Variants in DPP10 observed in about 807,000 individuals in gnomAD.
DPP10 encodes the protein inactive dipeptidyl peptidase 10.
A neutral mutation model predicts 120.9 loss-of-function variants in DPP10; 33 were observed. That is an observed-to-expected ratio of 0.27 (90% CI 0.21 to 0.37). The LOEUF is 0.37. Ranked by LOEUF, DPP10 falls within the 10% of genes least tolerant of loss-of-function variation. DPP10 has a pLI of 1.00. For missense variants in DPP10, 816 were observed against 942.8 expected (o/e 0.87, Z 1.76); for synonymous variants, 337 against 326.1 (o/e 1.03, Z -0.36).
chr2:114,635,824 A>C (rs570283589), intron 1 of DPP10, among the ~76,000 whole-genome samples: 68 of 152,102 alleles, frequency 4.5e-4, no homozygotes, highest in Middle Eastern at 3.4e-3. Flanking sequence ...AAATAGCAAC[A>C]ATAAAATCTC....
At chr2:115,562,892 T>G (rs1411583390) in intron 5 of DPP10, among the ~76,000 whole-genome samples, 3 of 152,234 alleles carry the variant, frequency 2.0e-5, no homozygotes, top group African/African-American at 7.2e-5. Flanking sequence ...TGGTACTGGG[T>G]GATCACAGGG....
intron 3 of DPP10, among the ~76,000 whole-genome samples, chr2:115,378,654 GT>G: frequency 6.6e-6 from 1 of 151,492 alleles, no homozygotes; most frequent in Non-Finnish European, 1.5e-5. Flanking sequence ...AATGCTTCCA[GT>G]TTTTGCCCAT....
chr2:114,970,321 G>C (rs1699309820), intron 1 of DPP10, among the ~76,000 whole-genome samples: 1 of 152,130 alleles, frequency 6.6e-6, no homozygotes, highest in African/African-American at 2.4e-5. Flanking sequence ...ATAGCACATA[G>C]GTTTACTGGT....
At chr2:115,708,417 A>C (rs1387964690) in intron 7 of DPP10, among the ~76,000 whole-genome samples, 1 of 151,978 alleles carries the variant, frequency 6.6e-6, no homozygotes, top group Non-Finnish European at 1.5e-5. Flanking sequence ...CTGGAATGGA[A>C]GTAGAATGCA....
chr2:115,161,491 C>G (rs2052347350), intron 1 of DPP10: 1 of 151,178 alleles, frequency 6.6e-6, no homozygotes, highest in South Asian at 2.1e-4. Flanking sequence ...CCCCCCCCGG[C>G]TGCGGTTGCC....
intron 2 of DPP10, among the ~76,000 whole-genome samples, chr2:115,332,964 T>A (rs1055149732): frequency 2.6e-5 from 4 of 152,122 alleles, no homozygotes; most frequent in African/African-American, 9.7e-5. Context: ...CTGCGTTCAA[T>A]TCCTGGATGT....
chr2:115,809,837 T>G (rs935442947), intron 19 of DPP10, among the ~76,000 whole-genome samples: 5 of 152,220 alleles, frequency 3.3e-5, no homozygotes, highest in Admixed American at 6.5e-5. Flanking sequence ...TTATTATAAC[T>G]AAAGCTTTAC....
At chr2:114,792,559 G>A (rs1683346596) in intron 1 of DPP10, among the ~76,000 whole-genome samples, 1 of 152,188 alleles carries the variant, frequency 6.6e-6, no homozygotes, top group Admixed American at 6.5e-5. Flanking sequence ...CATGTATTTT[G>A]AGATAGTCCC....
At chr2:115,825,907 G>C (rs753867752) in intron 21 of DPP10, among the ~76,000 whole-genome samples, 1 of 152,284 alleles carries the variant, frequency 6.6e-6, no homozygotes, top group East Asian at 1.9e-4. Flanking sequence ...GGCAGAAGAG[G>C]CTGGTTTTAT....
At chr2:114,646,607 T>C (rs1266244116) in intron 1 of DPP10, among the ~76,000 whole-genome samples, 1 of 152,128 alleles carries the variant, frequency 6.6e-6, no homozygotes, top group Non-Finnish European at 1.5e-5. Flanking sequence ...AAGTTTCCTT[T>C]CAAAAGGGAC....
chr2:115,363,478 C>T (rs1287442498), intron 3 of DPP10, among the ~76,000 whole-genome samples: 1 of 152,138 alleles, frequency 6.6e-6, no homozygotes, highest in African/African-American at 2.4e-5. Context: ...AACCAACCAC[C>T]AAGGTAGAGA....
intron 5 of DPP10, among the ~76,000 whole-genome samples, chr2:115,540,416 T>C (rs1012194708): frequency 6.6e-6 from 1 of 151,884 alleles, no homozygotes; most frequent in Non-Finnish European, 1.5e-5. Flanking sequence ...AGTCATTTGT[T>C]TGTTTCTTTA....
At chr2:114,812,582 T>TCACACA (rs1685266722) in intron 1 of DPP10, among the ~76,000 whole-genome samples, 1 of 99,326 alleles carries the variant, frequency 1.0e-5, no homozygotes, top group African/African-American at 5.0e-5. Context: ...GGTGAGACAT[T>TCACACA]GACACACACA....
intron 17 of DPP10, among the ~76,000 whole-genome samples, chr2:115,789,526 G>A (rs1683710006): frequency 6.6e-6 from 1 of 152,152 alleles, no homozygotes; most frequent in Non-Finnish European, 1.5e-5. Flanking sequence ...ATGCTTAATG[G>A]TGAAAGAATG....
intron 1 of DPP10, among the ~76,000 whole-genome samples, chr2:114,930,720 C>A (rs1228718103): frequency 3.3e-5 from 5 of 152,092 alleles, no homozygotes; most frequent in Non-Finnish European, 2.9e-5. Flanking sequence ...AGAAGCATGG[C>A]AGTGGAATCT....
chr2:114,976,481 C>G (rs1422211066), intron 1 of DPP10, among the ~76,000 whole-genome samples: 1 of 152,088 alleles, frequency 6.6e-6, no homozygotes, highest in Non-Finnish European at 1.5e-5. Flanking sequence ...GAAGGCTTTT[C>G]TTGTTCACAT....
intron 1 of DPP10, among the ~76,000 whole-genome samples, chr2:115,242,680 T>TG (rs991097954): frequency 6.6e-6 from 1 of 151,890 alleles, no homozygotes; most frequent in Non-Finnish European, 1.5e-5. Context: ...CTATTTTTTT[T>TG]TTTTTTTTTG....
intron 1 of DPP10, among the ~76,000 whole-genome samples, chr2:114,953,964 A>G (rs1005260294): frequency 2.1e-4 from 32 of 152,090 alleles, no homozygotes; most frequent in African/African-American, 7.5e-4. Context: ...AATTATTCAC[A>G]GTTACTTATT....
At chr2:115,392,222 A>G (rs1011175904) in intron 3 of DPP10, among the ~76,000 whole-genome samples, 1 of 152,030 alleles carries the variant, frequency 6.6e-6, no homozygotes, top group Admixed American at 6.6e-5. Context: ...TCCCCCCGCA[A>G]AGCCTGAAAT....
Sources: gnomAD v4.1 joint callset for allele counts (sites outside exome capture counted in the v4.1 genomes callset) on GRCh38, gnomAD v4.1.1 for gene constraint, MANE v1.5 for transcripts, NCBI Gene and HGNC (gene_info 2026-07-23, HGNC 2026-07-21) for gene names.